The following TENM4 variants were observed in gnomAD, a reference collection of about 807,000 sequenced individuals.
The protein encoded by TENM4 is teneurin transmembrane protein 4, also known as teneurin-4.
In TENM4, 82 loss-of-function variants were observed where a neutral mutation model predicts 243.3. The observed-to-expected ratio is 0.34, with a 90% CI of 0.28 to 0.40. TENM4 has a LOEUF of 0.40. Among genes scored for constraint, TENM4 ranks in the 10% least tolerant of loss-of-function variants. TENM4 has a pLI of 1.00. For synonymous variants in TENM4, 1,412 were observed against 1,456.3 expected, an observed-to-expected ratio of 0.97 and a Z score of 0.69; for missense variants, 3,138 against 3,673.3, an observed-to-expected ratio of 0.85 and a Z score of 3.77.
Position 78,657,410 on chromosome 11 carries a change from C to G in TENM4, c.*648G>C. 2.6e-6 allele frequency: 1 copy of G among 389,588 alleles called. No individual in the cohort carries two copies. The highest frequency in any genetic ancestry group is 4.5e-6 in the Non-Finnish European group (1 of 220,934). The allele number at this position is 389,588 out of a possible 1,614,324, so 24.1% of individuals were successfully genotyped here. On this transcript the variant is annotated 3_prime_UTR_variant, in exon 34 of 34. Transcript: ENST00000278550. ...TCAGCATCAAAATAGAAAGCTTGAA[C>G]AGGAGTTTGGGGCAGCTTAAAAAAG...
At chr11:79,172,051 A>G (rs1863056707) in intron 3 of TENM4, among the ~76,000 whole-genome samples, 1 of 152,172 alleles carries the variant, frequency 6.6e-6, no homozygotes, top group South Asian at 2.1e-4. Context: ...TCCTGGACTT[A>G]AGGGATCCTT....
At chr11:78,948,334 C>T (rs1407048018) in intron 6 of TENM4, among the ~76,000 whole-genome samples, 1 of 151,726 alleles carries the variant, frequency 6.6e-6, no homozygotes, top group Admixed American at 6.6e-5. Flanking sequence ...ACCTAACATA[C>T]ATACTATAGT....
chr11:79,145,803 T>A (rs1391772377), intron 4 of TENM4, among the ~76,000 whole-genome samples: 1 of 152,154 alleles, frequency 6.6e-6, no homozygotes, highest in East Asian at 1.9e-4. Flanking sequence ...AGAGTCTATA[T>A]TTTTTATTTC....
intron 15 of TENM4, among the ~76,000 whole-genome samples, chr11:78,791,786 A>C (rs1314924479): frequency 1.3e-5 from 2 of 152,242 alleles, no homozygotes; most frequent in South Asian, 2.1e-4. Flanking sequence ...ACTAGACTAA[A>C]CTTAGAAGAC....
intron 29 of TENM4, among the ~76,000 whole-genome samples, chr11:78,687,400 A>G (rs1858711807): frequency 6.6e-6 from 1 of 152,232 alleles, no homozygotes; most frequent in African/African-American, 2.4e-5. Context: ...AGCGGGCAGG[A>G]AAGAATCAGG....
intron 20 of TENM4, among the ~76,000 whole-genome samples, chr11:78,736,278 C>T (rs987944681): frequency 2.0e-5 from 3 of 152,096 alleles, no homozygotes; most frequent in Non-Finnish European, 4.4e-5. Context: ...ATCTGGCCCC[C>T]AATTTTTAAT....
chr11:79,404,056 A>T (rs1484712093), intron 1 of TENM4, among the ~76,000 whole-genome samples: 2 of 152,240 alleles, frequency 1.3e-5, no homozygotes, highest in African/African-American at 2.4e-5. Context: ...TCAGCCTCCC[A>T]GCTCAGAAGG....
intron 28 of TENM4, among the ~76,000 whole-genome samples, chr11:78,696,605 G>T (rs1858970516): frequency 6.6e-6 from 1 of 152,170 alleles, no homozygotes; most frequent in Admixed American, 6.5e-5. Context: ...GGTATCATAG[G>T]TTTTAAATTC....
chr11:79,300,301 A>C (rs1308676860), intron 1 of TENM4, among the ~76,000 whole-genome samples: 1 of 152,248 alleles, frequency 6.6e-6, no homozygotes, highest in Non-Finnish European at 1.5e-5. Flanking sequence ...ATGCTTTACA[A>C]GGTGGGATCA....
At chr11:79,152,884 C>G (rs897266595) in intron 3 of TENM4, among the ~76,000 whole-genome samples, 2 of 152,226 alleles carry the variant, frequency 1.3e-5, no homozygotes, top group African/African-American at 2.4e-5. Flanking sequence ...CGGCATTCAT[C>G]AAGAGGACAG....
At chr11:79,407,433 A>G (rs1858596336) in intron 1 of TENM4, among the ~76,000 whole-genome samples, 1 of 152,264 alleles carries the variant, frequency 6.6e-6, no homozygotes, top group Non-Finnish European at 1.5e-5. Flanking sequence ...TATGCTTGAT[A>G]TCGTGCTAAG....
intron 3 of TENM4, among the ~76,000 whole-genome samples, chr11:79,170,762 G>C (rs1863022708): frequency 6.6e-6 from 1 of 152,184 alleles, no homozygotes; most frequent in Non-Finnish European, 1.5e-5. Context: ...CTAGCCTCCA[G>C]ATGGGACACT....
Position 78,670,231 on chromosome 11 carries a change from T to C in TENM4, c.6114A>G (p.Ala2038=), listed in dbSNP as rs61742000. Reference sequence around the variant, plus strand: ...GTAGGTTGATGGTCTTCAGCATGCCTGCCGTCTCGTCATAGGTGAAACTGA... The same window carrying C: ...GTAGGTTGATGGTCTTCAGCATGCCCGCCGTCTCGTCATAGGTGAAACTGA... The part of the protein sequence containing the change: ...TKVSFTYDET[A]GMLKTINLQN... Residue 2038 remains alanine, a synonymous_variant, in exon 32 of 34, where the codon GCA becomes GCG. Transcript: ENST00000278550. 7,137 of 1,613,930 alleles carry C rather than the reference T, an allele frequency of 4.4e-3. 233 individuals are homozygous for C. The African/African-American group carries it at 0.081, about 18-fold the overall frequency.
At chr11:78,944,600 A>C (rs961925162) in intron 6 of TENM4, among the ~76,000 whole-genome samples, 4 of 152,228 alleles carry the variant, frequency 2.6e-5, no homozygotes, top group Admixed American at 6.5e-5. Flanking sequence ...TTTTGATGTC[A>C]GCTGGCTTCC....
chr11:79,235,446 C>T (rs1262953304), intron 2 of TENM4, among the ~76,000 whole-genome samples: 2 of 152,158 alleles, frequency 1.3e-5, no homozygotes, highest in African/African-American at 4.8e-5. Context: ...CTGCTCTCTT[C>T]CCTAGTCATG....
intron 7 of TENM4, among the ~76,000 whole-genome samples, chr11:78,901,259 A>G (rs998126049): frequency 6.6e-6 from 1 of 152,204 alleles, no homozygotes; most frequent in Non-Finnish European, 1.5e-5. Context: ...ACATGTTAAC[A>G]ATGGTTACTT....
chr11:78,844,651 A>G (rs1056750664), intron 12 of TENM4, among the ~76,000 whole-genome samples: 1 of 151,978 alleles, frequency 6.6e-6, no homozygotes, highest in Non-Finnish European at 1.5e-5. Flanking sequence ...AAAAAAAAAA[A>G]AGGAGGAAAA....
intron 3 of TENM4, among the ~76,000 whole-genome samples, chr11:79,200,579 C>T (rs1455646467): frequency 2.6e-5 from 4 of 152,208 alleles, no homozygotes; most frequent in Admixed American, 2.6e-4. Flanking sequence ...TGTGGCCAGG[C>T]CTGGTGCCCT....
At chr11:78,704,159 C>CTATATATATATATATATA (rs56026926) in intron 27 of TENM4, among the ~76,000 whole-genome samples, 75 of 105,994 alleles carry the variant, frequency 7.1e-4, no homozygotes, top group Non-Finnish European at 8.4e-4. Flanking sequence ...GTATGTGTGT[C>CTATATATATATATATATA]TATATATATA....
Sources: gnomAD v4.1 joint callset for allele counts (sites outside exome capture counted in the v4.1 genomes callset) on GRCh38, gnomAD v4.1.1 for gene constraint, MANE v1.5 for transcripts, NCBI Gene and HGNC (gene_info 2026-07-23, HGNC 2026-07-21) for gene names.